The following CARS2 variants were observed in gnomAD, a reference collection of about 807,000 sequenced individuals.
CARS2 encodes cysteinyl-tRNA synthetase 2, mitochondrial, also known as probable cysteine--tRNA ligase, mitochondrial.
A neutral mutation model predicts 68.8 loss-of-function variants in CARS2; 52 were observed. That is an observed-to-expected ratio of 0.76 (90% CI 0.61 to 0.95). The LOEUF (loss-of-function observed/expected upper bound fraction) is 0.95, where lower values mean the gene tolerates loss of function less well. CARS2 is among the 40% of genes least tolerant of loss of function. CARS2 has a pLI of 0.00. For missense variants in CARS2, 780 were observed against 754.2 expected, an observed-to-expected ratio of 1.03 and a Z score of -0.40; for synonymous variants, 314 against 303.6, an observed-to-expected ratio of 1.03 and a Z score of -0.36.
In CARS2 at chr13:110,668,875, T is replaced by C. The variant is rs1347827402; in HGVS notation, c.786-1402A>G. Among the ~76,000 whole-genome samples the C allele has an allele frequency of 6.6e-6, 1 of 152,188 alleles. No individual in the cohort carries two copies. The highest frequency in any genetic ancestry group is 1.5e-5 in the Non-Finnish European group (1 of 68,030). Reference sequence around the variant, plus strand: ...TCATTATTTAATCTTTCAACAAAAATAAGAATTTCACATAACATTACATTT... The same window carrying C: ...TCATTATTTAATCTTTCAACAAAAACAAGAATTTCACATAACATTACATTT... On this transcript the variant is annotated intron_variant, in intron 7 of 14. Transcript: ENST00000257347. This position sits in a 1 kb window ranked among gnomAD's most constrained non-coding sequence, Gnocchi z 4.1.
chr13:110,663,285 G>A (rs565936782), intron 9 of CARS2, among the ~76,000 whole-genome samples, 166 bp downstream of exon 9: 20 of 152,250 alleles, frequency 1.3e-4, no homozygotes, highest in African/African-American at 4.1e-4. Context: ...GCGATTAGGC[G>A]GAGAGCCACT....
intron 12 of CARS2, chr13:110,645,706 C>T: frequency 2.3e-6 from 1 of 435,574 alleles, no homozygotes; most frequent in African/African-American, 2.0e-5. Context: ...CCCTGAGGAT[C>T]AAGCACACAG....
At chr13:110,642,848 T>C (rs934530916) in intron 13 of CARS2, 2 of 582,764 alleles carry the variant, frequency 3.4e-6, no homozygotes, top group Non-Finnish European at 3.2e-6. Flanking sequence ...CACGCAATTG[T>C]GGCCGAGGTA....
chr13:110,685,383 TAC>T (rs1223610546), intron 5 of CARS2, among the ~76,000 whole-genome samples: 1 of 152,140 alleles, frequency 6.6e-6, no homozygotes, highest in Non-Finnish European at 1.5e-5. Context: ...GCTACTTCCA[TAC>T]ACAGAGCCTA....
chr13:110,701,362 C>T (rs1378139224), intron 3 of CARS2, 76 bp downstream of exon 3: 13 of 779,488 alleles, frequency 1.7e-5, no homozygotes, highest in Non-Finnish European at 2.9e-5. Flanking sequence ...CCACGCCCGG[C>T]CAAGAACCAC....
intron 6 of CARS2, among the ~76,000 whole-genome samples, chr13:110,679,597 A>AAGAAAGAAAGAAAGAG (rs1312030282): frequency 2.3e-5 from 1 of 43,618 alleles, no homozygotes; most frequent in Admixed American, 2.5e-4. Flanking sequence ...GAAAGAAAGA[A>AAGAAAGAAAGAAAGAG]AGAGAGAGAG....
At chr13:110,657,844 A>T (rs1339025841) in intron 9 of CARS2, among the ~76,000 whole-genome samples, 1 of 152,244 alleles carries the variant, frequency 6.6e-6, no homozygotes, top group Non-Finnish European at 1.5e-5. Flanking sequence ...TCATTCCTTA[A>T]CAAATGGTAA....
At chr13:110,687,695 A>G (rs78646508) in intron 5 of CARS2, 26 bp downstream of exon 5, 71 of 1,402,966 alleles carry the variant, frequency 5.1e-5, no homozygotes, top group African/African-American at 2.0e-4. Flanking sequence ...AAAAAAAGAA[A>G]AAAAAAAAAA....
At chr13:110,689,941 T>G (rs2063409132) in intron 3 of CARS2, among the ~76,000 whole-genome samples, 1 of 152,092 alleles carries the variant, frequency 6.6e-6, no homozygotes. Context: ...TAAAGATCAG[T>G]GGGGTGGCCG....
intron 9 of CARS2, among the ~76,000 whole-genome samples, chr13:110,661,662 A>C (rs2062505894): frequency 6.6e-6 from 1 of 152,192 alleles, no homozygotes; most frequent in Non-Finnish European, 1.5e-5. Context: ...TACCCTCCTC[A>C]TTAAGCTTAA....
intron 14 of CARS2, 54 bp downstream of exon 14, chr13:110,642,259 CCT>C: frequency 7.2e-7 from 1 of 1,383,484 alleles, no homozygotes; most frequent in Non-Finnish European, 1.0e-6. Flanking sequence ...GGCCCCACGT[CCT>C]GTTGACCTAC....
intron 7 of CARS2, among the ~76,000 whole-genome samples, chr13:110,669,655 A>C (rs2062747376): frequency 6.6e-6 from 1 of 152,196 alleles, no homozygotes; most frequent in Non-Finnish European, 1.5e-5. Flanking sequence ...AGCGACGCAG[A>C]AGACGGGTGA....
chr13:110,665,837 T>G lies in CARS2; in HGVS notation c.919+1503A>C. 1.0e-6 allele frequency: 1 copy of G among 985,440 alleles called. No homozygotes were observed. Among genetic ancestry groups the G allele is most frequent in the Non-Finnish European group, 1.2e-6 (1 of 829,928 alleles). 61.0% of individuals were successfully genotyped at this position (985,440 alleles called of 1,614,324 possible). A position where few individuals can be genotyped will look rare whatever the true frequency, so the allele number is the denominator to read the frequency against. On this transcript the variant is annotated intron_variant, in intron 8 of 14. Transcript: ENST00000257347. This position sits in a 1 kb window ranked among gnomAD's most constrained non-coding sequence, Gnocchi z 4.3. Reference sequence around the variant, plus strand: ...GCGGACCAGAAAACCGGAGCACTTCTGCATTTAATGTCACCTTACTGTGAC... The same window carrying G: ...GCGGACCAGAAAACCGGAGCACTTCGGCATTTAATGTCACCTTACTGTGAC...
chr13:110,709,583 G>A (rs1051376853), upstream of CARS2, among the ~76,000 whole-genome samples: 3 of 152,132 alleles, frequency 2.0e-5, no homozygotes, highest in African/African-American at 7.2e-5. Flanking sequence ...TTTCTCCTGT[G>A]CTGGGTGCTT....
chr13:110,713,052 T>G (rs892604596), intron 1 of CARS2: 22 of 1,466,728 alleles, frequency 1.5e-5, no homozygotes, highest in Non-Finnish European at 2.0e-5. Flanking sequence ...CGCCGCCACT[T>G]CCGCCCGTGC....
rs2062714032 is a variant in CARS2, at chr13:110,668,523, C to T, written c.786-1050G>A. On this transcript the variant is annotated intron_variant, in intron 7 of 14. Coordinates refer to ENST00000257347, the MANE Select transcript of CARS2 (RefSeq NM_024537.4). The surrounding 1 kb of genome is among the most constrained non-coding windows in gnomAD (Gnocchi z 4.1). ...CGCCACTGCACTCCAGCCTGGGTGA[C>T]AGAGCGAGACTCCGTCTCAAAAAAA... Among the ~76,000 whole-genome samples, 1 of 144,618 alleles carries T rather than the reference C, an allele frequency of 6.9e-6. No individual in the cohort carries two copies. The highest frequency in any genetic ancestry group is 2.6e-5 in the African/African-American group (1 of 39,022). The allele number at this position is 144,618 out of a possible 152,430, so 94.9% of individuals were successfully genotyped here.
chr13:110,662,368 C>A (rs1444286345), intron 9 of CARS2, among the ~76,000 whole-genome samples: 3 of 139,650 alleles, frequency 2.1e-5, no homozygotes, highest in Non-Finnish European at 4.6e-5. Context: ...TCCGACCCCA[C>A]TGCATACCAT....
At chr13:110,712,287 C>G (rs2064036154) in intron 1 of CARS2, 1 of 154,116 alleles carries the variant, frequency 6.5e-6, no homozygotes, top group Non-Finnish European at 1.4e-5. Context: ...GACAAGGCAC[C>G]GTTCTCCGAC....
At chr13:110,644,755 G>A (rs909829447) in intron 12 of CARS2, 7 of 401,756 alleles carry the variant, frequency 1.7e-5, no homozygotes, top group South Asian at 9.1e-5. Context: ...AAGCATGACC[G>A]TGGAGTATGG....
Sources: allele counts gnomAD v4.1 joint callset (sites outside exome capture counted in the v4.1 genomes callset), GRCh38; gene constraint gnomAD v4.1.1; non-coding constraint Gnocchi (gnomAD v3.1); transcripts MANE v1.5; gene names NCBI Gene and HGNC (gene_info 2026-07-23, HGNC 2026-07-21).